Variants in PRPF4 observed in about 807,000 individuals in gnomAD.
The protein encoded by PRPF4 is pre-mRNA splicing tri-snRNP complex factor PRPF4, also known as U4/U6 small nuclear ribonucleoprotein Prp4.
Under a neutral mutation model 72.2 loss-of-function variants are expected in PRPF4, and 14 were observed. The ratio of observed to expected loss-of-function variants is 0.19; its 90% CI spans 0.13 to 0.30. The LOEUF (loss-of-function observed/expected upper bound fraction) is 0.30. Among genes scored for constraint, PRPF4 ranks in the 10% least tolerant of loss-of-function variants. The pLI is 1.00. For synonymous variants in PRPF4, 225 were observed against 232.2 expected (o/e 0.97, Z 0.28); for missense variants, 478 against 653.9 (o/e 0.73, Z 2.93).
intron 6 of PRPF4, 74 bp from the exon 7 acceptor site, chr9:113,284,221 A>G: frequency 1.7e-6 from 2 of 1,145,220 alleles, no homozygotes; most frequent in East Asian, 2.4e-5. Flanking sequence ...TGTTCTTTTT[A>G]TGGTGGAAAA....
chr9:113,277,557 T>G (rs1445398655), intron 2 of PRPF4, among the ~76,000 whole-genome samples: 1 of 152,134 alleles, frequency 6.6e-6, no homozygotes, highest in Non-Finnish European at 1.5e-5. Context: ...AGCTAATTTT[T>G]GTATTTTTAG....
At chr9:113,288,543 T>C (rs1190205672) in intron 10 of PRPF4, among the ~76,000 whole-genome samples, 1 of 151,900 alleles carries the variant, frequency 6.6e-6, no homozygotes, top group African/African-American at 2.4e-5. Flanking sequence ...TTCAAGCAAT[T>C]CTCCTGCCTC....
At chr9:113,279,884 A>T (rs1035160356) in intron 3 of PRPF4, among the ~76,000 whole-genome samples, 1 of 152,210 alleles carries the variant, frequency 6.6e-6, no homozygotes, top group South Asian at 2.1e-4. Flanking sequence ...TCCTCAGATA[A>T]TGCCCTCTTG....
chr9:113,284,918 G>A (rs985683031), intron 7 of PRPF4, among the ~76,000 whole-genome samples: 2 of 152,074 alleles, frequency 1.3e-5, no homozygotes, highest in Non-Finnish European at 2.9e-5. Flanking sequence ...TGGTAACTTT[G>A]TTGTTTTGTT....
chr9:113,284,148 TA>T, intron 6 of PRPF4, 146 bp from the exon 7 acceptor site: 1 of 580,734 alleles, frequency 1.7e-6, no homozygotes. Context: ...ATGTGTCTTC[TA>T]ACAGCAGCAA....
At chr9:113,290,243 C>G (rs570268800) in intron 10 of PRPF4, among the ~76,000 whole-genome samples, 1 of 151,558 alleles carries the variant, frequency 6.6e-6, no homozygotes, top group Admixed American at 6.6e-5. Context: ...AAAAAAAGCC[C>G]TAGAGGTTTA....
rs1209637643 is a variant in PRPF4 at position 113,280,053 on chromosome 9, C to G, written c.392+922C>G. Among the ~76,000 whole-genome samples, 10 of 152,104 alleles carry G rather than the reference C, an allele frequency of 6.6e-5. No individual in the cohort carries two copies. The East Asian group carries it at 1.9e-3, about 29-fold the overall frequency. ...CTTGAGGTCCTTACCCTTATTTACT[C>G]TTCAACCTGCTGCAAACTGACCAAC... On this transcript the variant is annotated intron_variant, in intron 3 of 13. Transcript: ENST00000374198.
chr9:113,290,160 C>T (rs1832566390), intron 10 of PRPF4, among the ~76,000 whole-genome samples: 1 of 151,618 alleles, frequency 6.6e-6, no homozygotes, highest in East Asian at 1.9e-4. Context: ...GTGGAGGTTG[C>T]AGTGAGCCAA....
chr9:113,276,574 C>T lies in PRPF4; in HGVS notation c.54C>T (p.Asp18=). The change falls in exon 2 of 14, where the codon GAC becomes GAT. Residue 18 remains aspartate (D), a synonymous_variant. Transcript: ENST00000374198. ...CAACCAAAACTAAAGCACCCGACGA[C>T]TTAGTTGCTCCGGTCGTGAAGAAAC... ...STATKTKAPD[D]LVAPVVKKPH... 2 of 1,614,174 alleles carry T rather than the reference C, an allele frequency of 1.2e-6. No individual in the cohort carries two copies. Among genetic ancestry groups the T allele is most frequent in the Non-Finnish European group, 1.7e-6 (2 of 1,180,032 alleles).
chr9:113,285,662 G>A (rs113570573), intron 7 of PRPF4, among the ~76,000 whole-genome samples: 4,088 of 151,584 alleles, frequency 0.027, 205 homozygotes, highest in African/African-American at 0.095. Flanking sequence ...ACAGGTGTGA[G>A]CCACAGCGCC....
At chr9:113,282,769 A>G (rs190854598) in intron 4 of PRPF4, 36 bp downstream of exon 4, 1 of 1,484,154 alleles carries the variant, frequency 6.7e-7, no homozygotes, top group East Asian at 2.3e-5. Flanking sequence ...TATAAACATG[A>G]AGGAAATGAG....
chr9:113,288,222 G>A lies in PRPF4; in HGVS notation c.980G>A (p.Arg327Gln), dbSNP rs750966121. Residue 327 changes from arginine to glutamine, a missense_variant, in exon 10 of 14, where the codon CGG (arginine) becomes CAG (glutamine). Arg to Gln is a conservative substitution (Grantham distance 43, BLOSUM62 1). Coordinates refer to ENST00000374198, the MANE Select transcript of PRPF4 (RefSeq NM_001244926.2). Reference protein sequence around the residue: ...DIEGHTVRVARVMWHPSGRFL... With the variant: ...DIEGHTVRVAQVMWHPSGRFL... ...GAAGGCCATACAGTGCGTGTGGCGCGGGTAATGTGGCATCCTTCAGGACGT... is the reference window on the plus strand; with the variant it reads ...GAAGGCCATACAGTGCGTGTGGCGCAGGTAATGTGGCATCCTTCAGGACGT... The A allele has an allele frequency of 2.0e-5, 32 of 1,614,236 alleles. No homozygotes were observed. In the South Asian group the frequency reaches 2.1e-4, roughly 11 times the overall value.
rs1333454729 is a variant in PRPF4, at chr9:113,290,704, C to T, written c.1150C>T (p.Leu384=). 6.2e-7 allele frequency: 1 copy of T among 1,614,050 alleles called. No individual in the cohort carries two copies. Among genetic ancestry groups the T allele is most frequent in the African/African-American group, 1.3e-5 (1 of 74,900 alleles). Residue 384 remains leucine, a synonymous_variant, in exon 12 of 14, where the codon CTG becomes TTG. Transcript: ENST00000374198. ...QDGSLAGTGG[L]DAFGRVWDLR... is the part of the protein sequence containing the mutation. ...ATTTCTAAATTATTTTCTCAGGGGA[C>T]TGGATGCATTTGGTCGAGTTTGGGA... is the stretch of plus-strand genomic sequence containing the variant.
intron 7 of PRPF4, among the ~76,000 whole-genome samples, chr9:113,285,563 A>G (rs1442854595): frequency 6.6e-6 from 1 of 151,034 alleles, no homozygotes; most frequent in East Asian, 2.0e-4. Context: ...TATTTTTAGT[A>G]GAGACAGGGT....
chr9:113,292,702 A>G lies in PRPF4; in HGVS notation c.*1042A>G, dbSNP rs1832644593. 6.6e-6 allele frequency: 1 copy of G among 152,214 alleles called. No individual in the cohort carries two copies. Among genetic ancestry groups the G allele is most frequent in the Admixed American group, 6.5e-5 (1 of 15,282 alleles). 9.4% of individuals were successfully genotyped at this position (152,214 alleles called of 1,614,324 possible). On this transcript the variant is annotated 3_prime_UTR_variant, in exon 14 of 14. Coordinates refer to ENST00000374198, the MANE Select transcript of PRPF4 (RefSeq NM_001244926.2). ...TTTAGAAAGCAAACATGACGTCTCT[A>G]TTGTACAACCTCCTTTCTCTTGGCT...
At chr9:113,283,602 T>G (rs1478442019) in intron 6 of PRPF4, 120 bp downstream of exon 6, 1 of 973,262 alleles carries the variant, frequency 1.0e-6, no homozygotes, top group East Asian at 2.6e-5. Context: ...CCTGCTTAAG[T>G]TGAGCTGCTG....
Position 113,291,906 on chromosome 9 carries a change from C to T in PRPF4, c.*246C>T, listed in dbSNP as rs891511953. 1.1e-5 allele frequency: 4 copies of T among 362,764 alleles called. No homozygotes were observed. Among genetic ancestry groups the T allele is most frequent in the African/African-American group, 2.1e-5 (1 of 48,040 alleles). The allele number at this position is 362,764 out of a possible 1,614,324, so 22.5% of individuals were successfully genotyped here. A position where few individuals can be genotyped will look rare whatever the true frequency, so the allele number is the denominator to read the frequency against. ...TACGCCCTGCCACGAACTGTGTAGACATTGTTTTTATTAATCTTTTGTTTG... is the reference window on the plus strand; with the variant it reads ...TACGCCCTGCCACGAACTGTGTAGATATTGTTTTTATTAATCTTTTGTTTG... On this transcript the variant is annotated 3_prime_UTR_variant, in exon 14 of 14. Transcript: ENST00000374198.
intron 3 of PRPF4, among the ~76,000 whole-genome samples, chr9:113,281,489 C>T (rs1236559800): frequency 6.6e-6 from 1 of 152,194 alleles, no homozygotes; most frequent in Admixed American, 6.5e-5. Flanking sequence ...CATTATTCTT[C>T]CCTTTTAATC....
In PRPF4 at chr9:113,291,626, A is replaced by T. The variant is rs1216996421; in HGVS notation, c.1532A>T (p.Tyr511Phe). The T allele has an allele frequency of 6.2e-7, 1 of 1,614,084 alleles. No homozygotes were observed. Among genetic ancestry groups the T allele is most frequent in the African/African-American group, 1.3e-5 (1 of 74,926 alleles). Residue 511 changes from tyrosine to phenylalanine, a missense_variant, in exon 14 of 14, where the codon TAT (tyrosine) becomes TTT (phenylalanine). Coordinates refer to ENST00000374198, the MANE Select transcript of PRPF4 (RefSeq NM_001244926.2). ...SDGQLIATCSYDRTFKLWMAE is the reference protein window; with the variant it reads ...SDGQLIATCSFDRTFKLWMAE The stretch of plus-strand genomic sequence containing the variant: ...GGGCAGCTCATAGCCACTTGCTCAT[A>T]TGACAGGACCTTCAAGCTGTGGATG...
Sources: gnomAD v4.1 joint callset for allele counts (sites outside exome capture counted in the v4.1 genomes callset) on GRCh38, gnomAD v4.1.1 for gene constraint, MANE v1.5 for transcripts, NCBI Gene and HGNC (gene_info 2026-07-23, HGNC 2026-07-21) for gene names.